COL6A6: variants seen among roughly 807,000 people sequenced by gnomAD.
COL6A6 encodes collagen type VI alpha 6 chain.
A neutral mutation model predicts 208.6 loss-of-function variants in COL6A6; 183 were observed. The ratio of observed to expected loss-of-function variants is 0.88; its 90% CI spans 0.78 to 0.99. The LOEUF (loss-of-function observed/expected upper bound fraction) is 0.99. Among genes scored for constraint, COL6A6 ranks in the 50% least tolerant of loss-of-function variants. The pLI, the probability that COL6A6 is intolerant of heterozygous loss-of-function variation, is 0.00. For synonymous variants in COL6A6, 973 were observed against 1,011.8 expected (o/e 0.96, Z 0.73); for missense variants, 2,816 against 2,815.2 (o/e 1.00, Z -0.01).
At chr3:130,596,943 A>T (rs2063867952) in intron 18 of COL6A6, among the ~76,000 whole-genome samples, 1 of 152,218 alleles carries the variant, frequency 6.6e-6, no homozygotes, top group African/African-American at 2.4e-5. Context: ...TGTGGAAGAT[A>T]ATGCTTTTTT....
At chr3:130,665,996 C>A (rs961288725) in intron 36 of COL6A6, among the ~76,000 whole-genome samples, 3 of 152,136 alleles carry the variant, frequency 2.0e-5, no homozygotes, top group Non-Finnish European at 4.4e-5. Flanking sequence ...AAATGAGCGT[C>A]TTGGTGGACC....
chr3:130,533,566 T>C (rs9283579), intron 1 of COL6A6, among the ~76,000 whole-genome samples: 106,231 of 152,102 alleles, frequency 0.7, 41,034 homozygotes, highest in Non-Finnish European at 0.87. Context: ...TTCAGACTTT[T>C]TAAAAAAATA....
intron 10 of COL6A6, among the ~76,000 whole-genome samples, chr3:130,585,683 TGTG>T (rs2063523805): frequency 6.6e-6 from 1 of 152,222 alleles, no homozygotes; most frequent in Non-Finnish European, 1.5e-5. Flanking sequence ...TGGATGATTG[TGTG>T]TCATCTGTTC....
intron 1 of COL6A6, among the ~76,000 whole-genome samples, chr3:130,522,286 G>T (rs899439017): frequency 1.3e-5 from 2 of 152,084 alleles, no homozygotes; most frequent in Non-Finnish European, 2.9e-5. Context: ...AATTCTCATC[G>T]CCTTTTTTGG....
chr3:130,542,527 C>T (rs1051733553), intron 1 of COL6A6, among the ~76,000 whole-genome samples: 1 of 151,980 alleles, frequency 6.6e-6, no homozygotes, highest in South Asian at 2.1e-4. Context: ...CTATAGGTAT[C>T]CATTATATAC....
chr3:130,571,011 CTT>C lies in COL6A6; in HGVS notation c.2597_2598del (p.Phe866TrpfsTer13). On this transcript the variant is annotated frameshift_variant, in exon 7 of 37. Transcript: ENST00000358511. LOFTEE classifies it high-confidence loss of function. ...DPEVLFYLDDFGTKLEVISVL... is the reference protein window; with the variant it reads ...DPEVLFYLDDXGTKLEVISVL... ...CAGAGGTGCTGTTTTATCTGGATGA[CTT>C]TGGCACAAAACTGGAGGTAATTTCA... 6.2e-7 allele frequency: 1 copy of C among 1,613,986 alleles called. No individual in the cohort carries two copies. Among genetic ancestry groups the C allele is most frequent in the Non-Finnish European group, 8.5e-7 (1 of 1,179,880 alleles).
chr3:130,604,752 A>G (rs542048725), intron 20 of COL6A6, among the ~76,000 whole-genome samples: 1 of 152,358 alleles, frequency 6.6e-6, no homozygotes, highest in South Asian at 2.1e-4. Flanking sequence ...CCTTAAAGAC[A>G]AAAGGGGAAA....
intron 1 of COL6A6, among the ~76,000 whole-genome samples, chr3:130,522,315 GA>G (rs1711120728): frequency 6.6e-6 from 1 of 152,192 alleles, no homozygotes; most frequent in Non-Finnish European, 1.5e-5. Flanking sequence ...ATGGGACATG[GA>G]GGGAGATATC....
In COL6A6 at chr3:130,566,981, T is replaced by G. The variant is rs1020649956; in HGVS notation, c.1562T>G (p.Phe521Cys). The G allele has an allele frequency of 6.2e-7, 1 of 1,614,040 alleles. No homozygotes were observed. The highest frequency in any genetic ancestry group is 2.2e-5 in the East Asian group (1 of 44,882). Residue 521 changes from phenylalanine (F) to cysteine (C), a missense_variant, in exon 5 of 37, where the codon TTC (phenylalanine) becomes TGC (cysteine). Transcript: ENST00000358511. ...ACAAACACAGGCGCAGCACTGAATT[T>G]CACACTGAGTCTGTTGCAAAAAGCA... Reference protein sequence around the residue: ...GNTNTGAALNFTLSLLQKAKK... With the variant: ...GNTNTGAALNCTLSLLQKAKK...
At chr3:130,565,934 G>A (rs546440217) in intron 4 of COL6A6, among the ~76,000 whole-genome samples, 1 of 151,880 alleles carries the variant, frequency 6.6e-6, no homozygotes, top group East Asian at 1.9e-4. Context: ...TGCCTCTCAC[G>A]TTCCCCTGCT....
At position 130,568,056 on chromosome 3, in the gene COL6A6, A is replaced by G. The variant is rs763738626; in HGVS notation, c.1853A>G (p.Glu618Gly). 1 of 1,604,020 alleles carries G rather than the reference A, an allele frequency of 6.2e-7. No individual in the cohort carries two copies. Among genetic ancestry groups the G allele is most frequent in the South Asian group, 1.1e-5 (1 of 89,498 alleles). ...QEICTEEACK[E>G]MKADIMFLVD... ...AGTTTTTCCTATGCAGCTTGCAAAG[A>G]GATGAAAGCTGACATCATGTTTCTG... The change falls in exon 6 of 37, where the codon GAG becomes GGG. Residue 618 changes from glutamate (E) to glycine (G), a missense_variant. Physicochemically the swap from Glu to Gly is moderately conservative, Grantham distance 98. Coordinates refer to ENST00000358511, the MANE Select transcript of COL6A6 (RefSeq NM_001102608.3).
chr3:130,593,105 G>T lies in COL6A6; in HGVS notation c.4416G>T (p.Gln1472His). The stretch of plus-strand genomic sequence containing the variant: ...GAATTGACGGATTAAACGGAGAACA[G>T]GTAGAGCCTTCTTGTACCATAGAGA... Reference protein sequence around the residue: ...ENGIDGLNGEQGDNGLPGRKG... With the variant: ...ENGIDGLNGEHGDNGLPGRKG... The change falls in exon 16 of 37, where the codon CAG (glutamine) becomes CAT (histidine). Residue 1472 changes from glutamine (Q) to histidine (H), a missense_variant and splice_region_variant. Gln to His is a conservative substitution (Grantham distance 24). Coordinates refer to ENST00000358511, the MANE Select transcript of COL6A6 (RefSeq NM_001102608.3). 6.2e-7 allele frequency: 1 copy of T among 1,613,602 alleles called. No individual in the cohort carries two copies. The highest frequency in any genetic ancestry group is 1.1e-5 in the South Asian group (1 of 91,072).
At chr3:130,647,987 A>C (rs2065510932) in intron 32 of COL6A6, among the ~76,000 whole-genome samples, 1 of 152,244 alleles carries the variant, frequency 6.6e-6, no homozygotes. Flanking sequence ...GATATATGGC[A>C]GGGACTAATA....
At chr3:130,674,339 A>G (rs1371275966) in intron 36 of COL6A6, among the ~76,000 whole-genome samples, 1 of 152,216 alleles carries the variant, frequency 6.6e-6, no homozygotes, top group Non-Finnish European at 1.5e-5. Context: ...CACTTCTGTC[A>G]GCAGAGGTTT....
rs2063765608 is a variant in COL6A6, at chr3:130,593,247, T to G, written c.4465T>G (p.Ser1489Ala). Residue 1489 changes from serine (S) to alanine (A), a missense_variant, in exon 17 of 37, where the codon TCT becomes GCT. Ser to Ala is a moderately conservative substitution (Grantham distance 99). Transcript: ENST00000358511. ...GRKGEKGDEG[S>A]QGSPGKRGTP... ...AAAAGGAGAAAAGGGAGATGAGGGA[T>G]CTCAGGTAGGGATTTGAAAAGGAAG... 1.9e-6 allele frequency: 3 copies of G among 1,603,362 alleles called. No individual in the cohort carries two copies. Among genetic ancestry groups the G allele is most frequent in the African/African-American group, 1.3e-5 (1 of 74,836 alleles).
rs1259781751 is a variant in COL6A6 at position 130,565,307 on chromosome 3, C to T, written c.975C>T (p.Gly325=). 1 of 1,614,000 alleles carries T rather than the reference C, an allele frequency of 6.2e-7. No homozygotes were observed. The highest frequency in any genetic ancestry group is 2.2e-5 in the East Asian group (1 of 44,880). The change falls in exon 4 of 37, where the codon GGC becomes GGT. Residue 325 remains glycine, a synonymous_variant. Coordinates refer to ENST00000358511, the MANE Select transcript of COL6A6 (RefSeq NM_001102608.3). The part of the protein sequence containing the change: ...LRKEVFSARN[G]SRKNQGVPQI... ...AGGAAGTTTTTAGTGCACGGAATGG[C>T]AGTCGGAAGAATCAGGGGGTGCCCC...
chr3:130,593,777 C>A (rs1348748294), intron 17 of COL6A6, among the ~76,000 whole-genome samples: 1 of 152,136 alleles, frequency 6.6e-6, no homozygotes, highest in African/African-American at 2.4e-5. Context: ...CAATGACAAG[C>A]AACTACCATA....
rs1169686451 is a variant in COL6A6, at chr3:130,631,261, C to T, written c.4993-3329C>T. Among the ~76,000 whole-genome samples the T allele has an allele frequency of 2.8e-5, 3 of 106,310 alleles. 1 individual carries two copies. The highest frequency in any genetic ancestry group is 4.9e-5 in the Non-Finnish European group (3 of 60,750). 69.7% of individuals were successfully genotyped at this position (106,310 alleles called of 152,430 possible). A position where few individuals can be genotyped will look rare whatever the true frequency, so the allele number is the denominator to read the frequency against. ...AAATACAAACTACCATCAGAGAATA[C>T]TACAAACACCTCTATGCAAATAAAC... On this transcript the variant is annotated intron_variant, in intron 26 of 36. Transcript: ENST00000358511.
At chr3:130,661,088 C>T (rs2065919454) in intron 34 of COL6A6, among the ~76,000 whole-genome samples, 1 of 152,150 alleles carries the variant, frequency 6.6e-6, no homozygotes, top group African/African-American at 2.4e-5. Context: ...AACATGTATT[C>T]AGTTTTCAAC....
Sources: gnomAD v4.1 joint callset for allele counts (sites outside exome capture counted in the v4.1 genomes callset) on GRCh38, gnomAD v4.1.1 for gene constraint, MANE v1.5 for transcripts, NCBI Gene and HGNC (gene_info 2026-07-23, HGNC 2026-07-21) for gene names.